THSD7B: variants seen among roughly 807,000 people sequenced by gnomAD.
The protein encoded by THSD7B is thrombospondin type-1 domain-containing protein 7B.
THSD7B carries 138 observed loss-of-function variants against 213.6 expected under a neutral mutation model. The observed-to-expected ratio is 0.65, with a 90% CI of 0.56 to 0.74. THSD7B has a LOEUF of 0.74. Ranked by LOEUF, THSD7B falls within the 30% of genes least tolerant of loss-of-function variation. The pLI is 0.00. For synonymous variants in THSD7B, 742 were observed against 687.0 expected (o/e 1.08, Z -1.25); for missense variants, 1,931 against 1,991.5 (o/e 0.97, Z 0.58).
chr2:137,352,228 G>A (rs1263356074), intron 12 of THSD7B, among the ~76,000 whole-genome samples: 5 of 151,876 alleles, frequency 3.3e-5, no homozygotes, highest in Non-Finnish European at 7.4e-5. Flanking sequence ...ATAAATGAAG[G>A]ATGAAGTCTT....
rs181370125 is a variant in THSD7B at position 137,284,050 on chromosome 2, G to T, written c.2500+8024G>T. 5.4e-3 allele frequency among the ~76,000 whole-genome samples: 828 copies of T among 152,210 alleles called. 6 individuals are homozygous for T. The highest frequency in any genetic ancestry group is 0.024 in the Middle Eastern group (7 of 292). The stretch of plus-strand genomic sequence containing the variant: ...GTCCTGGACTTTTTGTGGTTGGTAA[G>T]CTATTAATTATTGCCTCAATTTCAG... On this transcript the variant is annotated intron_variant, in intron 12 of 27. Transcript: ENST00000409968.
chr2:137,594,731 T>C (rs1681928127), intron 17 of THSD7B, among the ~76,000 whole-genome samples: 1 of 152,012 alleles, frequency 6.6e-6, no homozygotes, highest in African/African-American at 2.4e-5. Flanking sequence ...TAGGATTGCA[T>C]TGTCGATTTC....
At chr2:137,162,290 G>C (rs540540591) in intron 6 of THSD7B, among the ~76,000 whole-genome samples, 3 of 152,128 alleles carry the variant, frequency 2.0e-5, no homozygotes, top group Non-Finnish European at 4.4e-5. Flanking sequence ...ATTTAAGGTA[G>C]TACATAAAGC....
chr2:137,213,545 T>G (rs542042647), intron 7 of THSD7B, among the ~76,000 whole-genome samples: 5 of 150,008 alleles, frequency 3.3e-5, no homozygotes, highest in African/African-American at 1.2e-4. Context: ...ATATGGTATA[T>G]GTAATTTATA....
chr2:137,481,786 A>G (rs544707717), intron 15 of THSD7B, among the ~76,000 whole-genome samples: 1 of 152,310 alleles, frequency 6.6e-6, no homozygotes, highest in Admixed American at 6.5e-5. Context: ...ATAATAGCAG[A>G]CCCTAGTAGC....
chr2:137,607,507 T>C (rs190890759), intron 17 of THSD7B, among the ~76,000 whole-genome samples: 3 of 152,340 alleles, frequency 2.0e-5, no homozygotes, highest in Non-Finnish European at 1.5e-5. Flanking sequence ...TACTTATAAC[T>C]AGTCTGTAGT....
chr2:137,392,561 T>C (rs1686057616), intron 12 of THSD7B, among the ~76,000 whole-genome samples: 1 of 152,172 alleles, frequency 6.6e-6, no homozygotes, highest in Non-Finnish European at 1.5e-5. Context: ...CTGATATAGC[T>C]ACTCTGCTCC....
At chr2:137,059,706 G>A (rs1380326032) in intron 3 of THSD7B, among the ~76,000 whole-genome samples, 1 of 152,086 alleles carries the variant, frequency 6.6e-6, no homozygotes, top group Non-Finnish European at 1.5e-5. Context: ...TTTGTGACTT[G>A]GTAGCTTATT....
intron 14 of THSD7B, among the ~76,000 whole-genome samples, chr2:137,440,891 C>A (rs140412257): frequency 1.3e-5 from 2 of 152,096 alleles, no homozygotes; most frequent in African/African-American, 4.8e-5. Flanking sequence ...GTTTCTGAAT[C>A]CCATGAGACA....
chr2:137,516,954 A>G (rs938322183), intron 15 of THSD7B, among the ~76,000 whole-genome samples: 2 of 152,254 alleles, frequency 1.3e-5, no homozygotes, highest in Non-Finnish European at 2.9e-5. Flanking sequence ...TGAGCTGTGC[A>G]GAAGACAGAT....
At position 137,419,430 on chromosome 2, in the gene THSD7B, A is replaced by C. The variant is rs202157476; in HGVS notation, c.2959+7558A>C. ...CACTGATAATCGAAGAGTGAAAAGG[A>C]CAGAGAATAATGTTACTGAGTGATG... On this transcript the variant is annotated intron_variant, in intron 14 of 27. Transcript: ENST00000409968. 2.0e-4 allele frequency among the ~76,000 whole-genome samples: 7 copies of C among 34,326 alleles called. 2 individuals are homozygous for C. Among genetic ancestry groups the C allele is most frequent in the Non-Finnish European group, 8.2e-4 (6 of 7,300 alleles). 22.5% of individuals were successfully genotyped at this position (34,326 alleles called of 152,430 possible).
At chr2:137,652,518 T>C (rs1357287249) in intron 21 of THSD7B, among the ~76,000 whole-genome samples, 2 of 152,130 alleles carry the variant, frequency 1.3e-5, no homozygotes, top group Non-Finnish European at 1.5e-5. Context: ...ATTCAGACAC[T>C]CTATGTCTTT....
chr2:136,932,187 T>G (rs902833283), intron 2 of THSD7B, among the ~76,000 whole-genome samples: 8 of 152,174 alleles, frequency 5.3e-5, no homozygotes, highest in Admixed American at 3.9e-4. Context: ...AACAGTCAAT[T>G]TTTAGCTCAT....
chr2:136,851,058 C>T (rs1683090594), intron 1 of THSD7B, among the ~76,000 whole-genome samples: 1 of 152,178 alleles, frequency 6.6e-6, no homozygotes, highest in East Asian at 1.9e-4. Flanking sequence ...GGTCATCTCA[C>T]TTTTCTTTCT....
intron 14 of THSD7B, among the ~76,000 whole-genome samples, chr2:137,421,779 T>C (rs1309196067): frequency 6.6e-6 from 1 of 152,120 alleles, no homozygotes; most frequent in East Asian, 1.9e-4. Flanking sequence ...AGGAGAAGGT[T>C]GGAGAGATTC....
At chr2:137,242,687 C>A (rs1221613281) in intron 10 of THSD7B, 115 bp downstream of exon 10, 8 of 694,882 alleles carry the variant, frequency 1.2e-5, no homozygotes, top group Non-Finnish European at 1.9e-5. Context: ...ATTTGCCTAT[C>A]ACCCTGGAAA....
chr2:137,514,436 T>C (rs1307258720), intron 15 of THSD7B, among the ~76,000 whole-genome samples: 3 of 152,158 alleles, frequency 2.0e-5, no homozygotes, highest in East Asian at 1.9e-4. Context: ...TTCTTCAGCT[T>C]TGGGACTCGG....
At chr2:137,071,860 A>G (rs1226750914) in intron 3 of THSD7B, among the ~76,000 whole-genome samples, 2 of 152,244 alleles carry the variant, frequency 1.3e-5, no homozygotes, top group Admixed American at 6.5e-5. Flanking sequence ...TTTATTAAAC[A>G]GGGAATCCTT....
intron 5 of THSD7B, among the ~76,000 whole-genome samples, chr2:137,149,128 A>G (rs934074422): frequency 2.6e-5 from 4 of 152,304 alleles, no homozygotes; most frequent in South Asian, 4.1e-4. Context: ...AGGAGCCAAT[A>G]TACAGCTCAG....
Sources: gnomAD v4.1 joint callset for allele counts (sites outside exome capture counted in the v4.1 genomes callset) on GRCh38, gnomAD v4.1.1 for gene constraint, MANE v1.5 for transcripts, NCBI Gene and HGNC (gene_info 2026-07-23, HGNC 2026-07-21) for gene names.